Variants in ZEB2 observed in about 807,000 individuals in gnomAD.
ZEB2 encodes zinc finger E-box-binding homeobox 2.
A neutral mutation model predicts 99.9 loss-of-function variants in ZEB2; 6 were observed. The ratio of observed to expected loss-of-function variants is 0.06; its 90% CI spans 0.03 to 0.12. The LOEUF is 0.12. Ranked by LOEUF, ZEB2 falls within the 10% of genes least tolerant of loss-of-function variation. The pLI is 1.00. For synonymous variants in ZEB2, 517 were observed against 542.5 expected (o/e 0.95, Z 0.65); for missense variants, 969 against 1,502.8 (o/e 0.64, Z 5.87).
chr2:144,466,028 C>G (rs983958164), intron 2 of ZEB2, among the ~76,000 whole-genome samples: 1 of 152,186 alleles, frequency 6.6e-6, no homozygotes, highest in Admixed American at 6.5e-5. Flanking sequence ...CTGAAAATCT[C>G]TTATGAATAG....
intron 2 of ZEB2, among the ~76,000 whole-genome samples, chr2:144,474,729 C>T (rs1284807594): frequency 6.6e-6 from 1 of 152,154 alleles, no homozygotes; most frequent in Non-Finnish European, 1.5e-5. Context: ...ATTAGATCAT[C>T]ACCATCCATA....
At chr2:144,458,614 G>T (rs1040829095) in intron 2 of ZEB2, among the ~76,000 whole-genome samples, 1 of 151,316 alleles carries the variant, frequency 6.6e-6, no homozygotes, top group Non-Finnish European at 1.5e-5. Flanking sequence ...CTAAGAGAAT[G>T]AAAAAAAAAT....
chr2:144,447,755 G>A (rs2149898496), intron 2 of ZEB2, among the ~76,000 whole-genome samples: 1 of 152,276 alleles, frequency 6.6e-6, no homozygotes. Context: ...GCCGCTTTCA[G>A]GGCCCAACTT....
intron 2 of ZEB2, among the ~76,000 whole-genome samples, chr2:144,508,304 C>T (rs1704979331): frequency 6.6e-6 from 1 of 151,950 alleles, no homozygotes; most frequent in South Asian, 2.1e-4. Context: ...GAAGGGTGTA[C>T]CATATTTATA....
chr2:144,406,943 C>A (rs1255724387), intron 4 of ZEB2, among the ~76,000 whole-genome samples: 1 of 152,120 alleles, frequency 6.6e-6, no homozygotes, highest in Admixed American at 6.6e-5. Flanking sequence ...TACCTAAGAT[C>A]CAAAATTCCT....
chr2:144,494,754 T>C (rs562240118), intron 2 of ZEB2: 2 of 152,342 alleles, frequency 1.3e-5, no homozygotes, highest in East Asian at 1.9e-4. Flanking sequence ...GGATCAATTA[T>C]GTGCCCACGT....
intron 3 of ZEB2, 58 bp from the exon 4 acceptor site, chr2:144,424,925 G>A: frequency 6.5e-7 from 1 of 1,547,274 alleles, no homozygotes; most frequent in Non-Finnish European, 8.9e-7. Flanking sequence ...ACTATACTAA[G>A]CATGCCAAGC....
At chr2:144,463,679 A>T (rs1003434072) in intron 2 of ZEB2, 1 of 151,984 alleles carries the variant, frequency 6.6e-6, no homozygotes, top group African/African-American at 2.4e-5. Flanking sequence ...AAATAAAAAA[A>T]AAAATTATCT....
intron 1 of ZEB2, chr2:144,519,248 C>A (rs549892161): frequency 6.6e-6 from 1 of 152,182 alleles, no homozygotes; most frequent in Non-Finnish European, 1.5e-5. Context: ...AGTGCCCCCC[C>A]CTCCACTTTG....
At chr2:144,452,349 C>T (rs72858496) in intron 2 of ZEB2, among the ~76,000 whole-genome samples, 9,080 of 151,738 alleles carry the variant, frequency 0.06, 318 homozygotes, top group Middle Eastern at 0.12. Context: ...TGACTTAATG[C>T]CAAGAAGAAG....
intron 9 of ZEB2, among the ~76,000 whole-genome samples, chr2:144,392,893 A>G (rs1447104433): frequency 1.3e-5 from 2 of 152,232 alleles, no homozygotes; most frequent in Non-Finnish European, 2.9e-5. Flanking sequence ...TGAACTTAAT[A>G]ATAAATGAAA....
At chr2:144,485,448 G>A (rs1704580782) in intron 2 of ZEB2, among the ~76,000 whole-genome samples, 1 of 152,036 alleles carries the variant, frequency 6.6e-6, no homozygotes, top group Non-Finnish European at 1.5e-5. Flanking sequence ...AAATATATTT[G>A]GGCTAGATGA....
chr2:144,401,066 C>T (rs1703303338), intron 7 of ZEB2, 133 bp downstream of exon 7: 2 of 798,024 alleles, frequency 2.5e-6, no homozygotes, highest in Non-Finnish European at 4.3e-6. Context: ...ACAAATCAGG[C>T]ACACAGAGTT....
chr2:144,399,975 C>G lies in ZEB2; in HGVS notation c.1212G>C (p.Met404Ile). 1 of 1,614,186 alleles carries G rather than the reference C, an allele frequency of 6.2e-7. No homozygotes were observed. Among genetic ancestry groups the G allele is most frequent in the South Asian group, 1.1e-5 (1 of 91,084 alleles). The stretch of plus-strand genomic sequence containing the variant: ...TAGTGCCACTAAACCCGTGTGTAGC[C>G]ATAAGAACTTTATAGTCATTGAAGT... ...PLDFNDYKVLMATHGFSGTSP... is the reference protein window; with the variant it reads ...PLDFNDYKVLIATHGFSGTSP... The change falls in exon 8 of 10, where the codon ATG becomes ATC. Residue 404 changes from methionine (M) to isoleucine (I), a missense_variant. Transcript: ENST00000627532. The surrounding 1 kb of genome is among the most constrained non-coding windows in gnomAD (Gnocchi z 5.6).
chr2:144,494,171 A>AAAAC (rs1560648797), intron 2 of ZEB2: 1 of 151,988 alleles, frequency 6.6e-6, no homozygotes, highest in Non-Finnish European at 1.5e-5. Context: ...AAAAAAAAAA[A>AAAAC]AAAAATAGAT....
intron 2 of ZEB2, among the ~76,000 whole-genome samples, chr2:144,439,419 T>C (rs1703879118): frequency 6.6e-6 from 1 of 152,176 alleles, no homozygotes; most frequent in African/African-American, 2.4e-5. Flanking sequence ...ACGCGTCAAG[T>C]AAAAGAAAGG....
At chr2:144,456,258 G>A (rs913160173) in intron 2 of ZEB2, among the ~76,000 whole-genome samples, 10 of 152,070 alleles carry the variant, frequency 6.6e-5, no homozygotes, top group African/African-American at 2.4e-4. Flanking sequence ...ATTTGCCTAG[G>A]CATTTCCTTT....
At chr2:144,515,076 A>T (rs942325478) in intron 2 of ZEB2, among the ~76,000 whole-genome samples, 1 of 152,212 alleles carries the variant, frequency 6.6e-6, no homozygotes, top group African/African-American at 2.4e-5. Flanking sequence ...CAGGCTGGTC[A>T]ACGGTGGCAA....
chr2:144,413,677 T>C (rs1573729959), intron 4 of ZEB2, among the ~76,000 whole-genome samples: 2 of 152,322 alleles, frequency 1.3e-5, no homozygotes. Context: ...AAGAAGAATA[T>C]GACATACTTT....
Sources: gnomAD v4.1 joint callset for allele counts (sites outside exome capture counted in the v4.1 genomes callset) on GRCh38, gnomAD v4.1.1 for gene constraint, Gnocchi (gnomAD v3.1) non-coding constraint, MANE v1.5 for transcripts, NCBI Gene and HGNC (gene_info 2026-07-23, HGNC 2026-07-21) for gene names.